The following AFF3 variants were observed in gnomAD, a reference collection of about 807,000 sequenced individuals.
The protein encoded by AFF3 is ALF transcription elongation factor 3, also known as AF4/FMR2 family member 3.
A neutral mutation model predicts 129.7 loss-of-function variants in AFF3; 32 were observed. That is an observed-to-expected ratio of 0.25 (90% CI 0.19 to 0.33). AFF3 has a LOEUF of 0.33. Among genes scored for constraint, AFF3 ranks in the 10% least tolerant of loss-of-function variants. AFF3 has a pLI of 1.00. For missense variants in AFF3, 1,373 were observed against 1,592.0 expected (o/e 0.86, Z 2.34); for synonymous variants, 644 against 635.4 (o/e 1.01, Z -0.20).
chr2:99,951,244 T>G (rs1204807829), intron 7 of AFF3, among the ~76,000 whole-genome samples: 1 of 152,180 alleles, frequency 6.6e-6, no homozygotes, highest in Non-Finnish European at 1.5e-5. Context: ...GAGGATCATT[T>G]TTGCAAAAAT....
chr2:99,687,496 A>G (rs1675185226), intron 11 of AFF3, among the ~76,000 whole-genome samples: 1 of 152,130 alleles, frequency 6.6e-6, no homozygotes, highest in Non-Finnish European at 1.5e-5. Context: ...CTAAGAACTC[A>G]GCGAGGACAC....
In AFF3 at chr2:100,072,020, C is replaced by T. The variant is rs1287785182; in HGVS notation, c.53+32382G>A. Among the ~76,000 whole-genome samples the T allele has an allele frequency of 4.6e-5, 7 of 152,208 alleles. No individual in the cohort carries two copies. The South Asian group carries it at 6.2e-4, about 14-fold the overall frequency. On this transcript the variant is annotated intron_variant, in intron 4 of 24. Coordinates refer to ENST00000672756, the MANE Select transcript of AFF3 (RefSeq NM_001386135.1). ...CATCTCCAAAAACTAGAGATTTCTA[C>T]TCTAGGAGATGTGGTGGCTGGTAAA...
intron 13 of AFF3, among the ~76,000 whole-genome samples, chr2:99,603,490 T>C (rs1233216565): frequency 1.3e-5 from 2 of 152,168 alleles, no homozygotes; most frequent in Admixed American, 1.3e-4. Context: ...TCAAGATAGA[T>C]TATAGACTTA....
rs1683108481 is a variant in AFF3, at chr2:99,767,383, CT to C, written c.922-15083del. ...CTGTGTCAGACATTTGAGGGGCTGG[CT>C]TGTGGAAATGACATTATGTGTGGTT... is the stretch of plus-strand genomic sequence containing the variant. On this transcript the variant is annotated intron_variant, in intron 8 of 24. Transcript: ENST00000672756. Among the ~76,000 whole-genome samples, 5 of 152,296 alleles carry C rather than the reference CT, an allele frequency of 3.3e-5. No homozygotes were observed. The South Asian group carries it at 1.0e-3, about 32-fold the overall frequency.
intron 12 of AFF3, among the ~76,000 whole-genome samples, chr2:99,653,746 C>T (rs1558703520): frequency 1.3e-5 from 2 of 152,144 alleles, no homozygotes; most frequent in African/African-American, 4.8e-5. Context: ...GGCCGAGAGA[C>T]AGGGCACCCT....
intron 4 of AFF3, among the ~76,000 whole-genome samples, chr2:100,093,587 T>C (rs1472815634): frequency 6.6e-6 from 1 of 152,062 alleles, no homozygotes; most frequent in Non-Finnish European, 1.5e-5. Flanking sequence ...TGAAAAAAAT[T>C]AAAGGAAGTC....
intron 8 of AFF3, among the ~76,000 whole-genome samples, chr2:99,774,357 G>A (rs1683725854): frequency 6.6e-6 from 1 of 152,168 alleles, no homozygotes; most frequent in South Asian, 2.1e-4. Flanking sequence ...CAAGACTACA[G>A]TAACCAAAAC....
chr2:100,032,201 G>A (rs1342108850), intron 4 of AFF3, among the ~76,000 whole-genome samples: 1 of 152,128 alleles, frequency 6.6e-6, no homozygotes, highest in African/African-American at 2.4e-5. Flanking sequence ...GACAAGGCAG[G>A]TGGATTACGA....
At chr2:99,714,545 C>T (rs911776735) in intron 11 of AFF3, among the ~76,000 whole-genome samples, 3 of 151,612 alleles carry the variant, frequency 2.0e-5, no homozygotes, top group Non-Finnish European at 4.4e-5. Context: ...TCTCTGTGGA[C>T]GGACACCTCA....
At position 99,752,421 on chromosome 2, in the gene AFF3, A is replaced by G. The variant is rs562646502; in HGVS notation, c.922-120T>C. 1.5e-4 allele frequency: 102 copies of G among 688,302 alleles called. 1 individual carries two copies. In the South Asian group the frequency reaches 2.0e-3, roughly 14 times the overall value. The allele number at this position is 688,302 out of a possible 1,614,324, so 42.6% of individuals were successfully genotyped here. A position where few individuals can be genotyped will look rare whatever the true frequency, so the allele number is the denominator to read the frequency against. On this transcript the variant is annotated intron_variant, in intron 8 of 24. Transcript: ENST00000672756. ...GCAGGGAAGGGTTAAAAAATGTACA[A>G]AGGCTGAAAGAATTTTAAAAAAAGA...
intron 12 of AFF3, among the ~76,000 whole-genome samples, chr2:99,667,764 T>C (rs1686800297): frequency 6.6e-6 from 1 of 152,206 alleles, no homozygotes; most frequent in Non-Finnish European, 1.5e-5. Context: ...CGGATAGACT[T>C]ATTACTGAAG....
chr2:100,095,917 C>T (rs372536831), intron 4 of AFF3, among the ~76,000 whole-genome samples: 1 of 152,246 alleles, frequency 6.6e-6, no homozygotes, highest in African/African-American at 2.4e-5. Context: ...GTTGGCCGAG[C>T]GGGGATGCAA....
intron 10 of AFF3, among the ~76,000 whole-genome samples, chr2:99,739,895 C>T (rs1033890632): frequency 1.4e-4 from 21 of 151,798 alleles, no homozygotes; most frequent in Admixed American, 6.6e-4. Context: ...ATGTGCCATG[C>T]TGGTGTGCTG....
At chr2:99,626,530 T>TCCTC (rs1167909855) in intron 13 of AFF3, among the ~76,000 whole-genome samples, 1 of 108,028 alleles carries the variant, frequency 9.3e-6, no homozygotes, top group Non-Finnish European at 2.0e-5. Flanking sequence ...CTTCCTTCCT[T>TCCTC]CCTCCCTCCC....
intron 7 of AFF3, among the ~76,000 whole-genome samples, chr2:99,856,551 A>C (rs1306960987): frequency 6.6e-6 from 1 of 152,244 alleles, no homozygotes; most frequent in East Asian, 1.9e-4. Flanking sequence ...TTGAAGCATT[A>C]CATTAGTATT....
intron 13 of AFF3, among the ~76,000 whole-genome samples, chr2:99,642,118 C>G (rs1021315833): frequency 6.6e-6 from 1 of 152,118 alleles, no homozygotes; most frequent in East Asian, 1.9e-4. Context: ...GTCATGTCAA[C>G]GGTACGAAGC....
chr2:100,122,377 T>C (rs1264282444), intron 2 of AFF3, among the ~76,000 whole-genome samples: 1 of 152,242 alleles, frequency 6.6e-6, no homozygotes, highest in East Asian at 1.9e-4. Context: ...ATCACCTTCC[T>C]GTAATAGCTA....
At chr2:100,013,280 G>C (rs1012512231) in intron 4 of AFF3, among the ~76,000 whole-genome samples, 8 of 152,104 alleles carry the variant, frequency 5.3e-5, no homozygotes, top group Non-Finnish European at 8.8e-5. Context: ...TTGATCATAC[G>C]GTAACAGCAT....
chr2:99,686,024 T>C (rs1050211225), intron 11 of AFF3, among the ~76,000 whole-genome samples: 3 of 151,760 alleles, frequency 2.0e-5, no homozygotes, highest in Non-Finnish European at 4.4e-5. Flanking sequence ...CTGTCTCCAC[T>C]AAAAATACAA....
Sources: allele counts gnomAD v4.1 joint callset (sites outside exome capture counted in the v4.1 genomes callset), GRCh38; gene constraint gnomAD v4.1.1; transcripts MANE v1.5; gene names NCBI Gene and HGNC (gene_info 2026-07-23, HGNC 2026-07-21).